LIN7A: variants seen among roughly 807,000 people sequenced by gnomAD.
The protein encoded by LIN7A is lin-7 cell polarity scaffold A.
LIN7A carries 25 observed loss-of-function variants against 29.8 expected under a neutral mutation model. That is an observed-to-expected ratio of 0.84 (90% CI 0.61 to 1.17). LIN7A has a LOEUF of 1.17. LIN7A is among the 50% of genes most tolerant of loss of function. The probability of loss-of-function intolerance (pLI) is 0.00; values close to 1 mark genes in which losing one functional copy is unlikely to be tolerated. For missense variants in LIN7A, 239 were observed against 287.0 expected, an observed-to-expected ratio of 0.83 and a Z score of 1.21; for synonymous variants, 118 against 107.5, an observed-to-expected ratio of 1.10 and a Z score of -0.60.
At chr12:80,868,738 GC>G (rs1176729579) in intron 2 of LIN7A, among the ~76,000 whole-genome samples, 1 of 152,146 alleles carries the variant, frequency 6.6e-6, no homozygotes. Context: ...CTGCCCAGTT[GC>G]CCAGCAGAGC....
At chr12:80,927,782 A>C (rs1877682985) in intron 1 of LIN7A, among the ~76,000 whole-genome samples, 1 of 152,162 alleles carries the variant, frequency 6.6e-6, no homozygotes, top group African/African-American at 2.4e-5. Flanking sequence ...ATAGGTATAC[A>C]TGTGCCACGT....
chr12:80,937,740 G>T lies in LIN7A; in HGVS notation c.-18C>A. The T allele has an allele frequency of 9.4e-7, 1 of 1,063,286 alleles. No homozygotes were observed. Among genetic ancestry groups the T allele is most frequent in the Non-Finnish European group, 1.2e-6 (1 of 807,300 alleles). 65.9% of individuals were successfully genotyped at this position (1,063,286 alleles called of 1,614,324 possible). On this transcript the variant is annotated 5_prime_UTR_variant, in exon 1 of 6. Coordinates refer to ENST00000552864, the MANE Select transcript of LIN7A (RefSeq NM_004664.4). ...TTCAGCATCAGCAACCGCTCGTAGT[G>T]AGAAAAAAAGGAGGAGATTGGGGGC...
chr12:80,834,143 A>T (rs182134816), intron 4 of LIN7A, among the ~76,000 whole-genome samples: 19 of 152,284 alleles, frequency 1.2e-4, no homozygotes, highest in Non-Finnish European at 2.4e-4. Context: ...CTCGATTTTT[A>T]AGTATGTAAG....
chr12:80,878,559 G>A (rs1416143937), intron 2 of LIN7A, among the ~76,000 whole-genome samples: 1 of 152,178 alleles, frequency 6.6e-6, no homozygotes, highest in Non-Finnish European at 1.5e-5. Flanking sequence ...GCAGCAGCAA[G>A]ATTTATTCTG....
intron 2 of LIN7A, among the ~76,000 whole-genome samples, chr12:80,880,276 A>T (rs892178660): frequency 9.9e-5 from 15 of 152,048 alleles, no homozygotes; most frequent in African/African-American, 3.4e-4. Flanking sequence ...TTTTGACCTA[A>T]CATCTACAAA....
chr12:80,833,587 A>G (rs1872474539), intron 4 of LIN7A, among the ~76,000 whole-genome samples: 1 of 152,136 alleles, frequency 6.6e-6, no homozygotes, highest in African/African-American at 2.4e-5. Context: ...TACCACTTTC[A>G]AATGTTAAGT....
At chr12:80,885,057 T>C (rs908763201) in intron 2 of LIN7A, among the ~76,000 whole-genome samples, 1 of 152,176 alleles carries the variant, frequency 6.6e-6, no homozygotes, top group Non-Finnish European at 1.5e-5. Context: ...ATTCTTTGTA[T>C]TGTTTGTATT....
At chr12:80,924,691 G>A (rs901297713) in intron 1 of LIN7A, among the ~76,000 whole-genome samples, 3 of 152,218 alleles carry the variant, frequency 2.0e-5, no homozygotes, top group East Asian at 1.9e-4. Flanking sequence ...GTGATGCATC[G>A]CAATTAAATA....
At position 80,937,702 on chromosome 12, in the gene LIN7A, A is replaced by G; in HGVS notation, c.21T>C (p.Thr7=). 2 of 1,375,766 alleles carry G rather than the reference A, an allele frequency of 1.5e-6. No individual in the cohort carries two copies. Among genetic ancestry groups the G allele is most frequent in the South Asian group, 1.2e-5 (1 of 81,248 alleles). 85.2% of individuals were successfully genotyped at this position (1,375,766 alleles called of 1,614,324 possible). A position where few individuals can be genotyped will look rare whatever the true frequency, so the allele number is the denominator to read the frequency against. The stretch of plus-strand genomic sequence containing the variant: ...TCGCCATGTCTGCCGTGGGAGCCGA[A>G]GTGACGCTCGGCTTCAGCATCAGCA... MLKPSV[T]SAPTADMATL... The change falls in exon 1 of 6, where the codon ACT becomes ACC. Residue 7 remains threonine, a synonymous_variant. Coordinates refer to ENST00000552864, the MANE Select transcript of LIN7A (RefSeq NM_004664.4).
At chr12:80,840,533 C>CTGTGTTT (rs376919739) in intron 4 of LIN7A, among the ~76,000 whole-genome samples, 4 of 152,036 alleles carry the variant, frequency 2.6e-5, no homozygotes, top group African/African-American at 9.7e-5. Flanking sequence ...TTTCATGAGA[C>CTGTGTTT]TGTGTTTCTG....
At chr12:80,881,828 T>C (rs969690004) in intron 2 of LIN7A, among the ~76,000 whole-genome samples, 5 of 152,190 alleles carry the variant, frequency 3.3e-5, no homozygotes, top group African/African-American at 1.2e-4. Flanking sequence ...TGGGTATTTC[T>C]AGTTATCCTT....
intron 1 of LIN7A, among the ~76,000 whole-genome samples, chr12:80,925,725 A>G (rs1371544564): frequency 6.6e-6 from 1 of 152,220 alleles, no homozygotes; most frequent in Non-Finnish European, 1.5e-5. Context: ...GTATGTTTTT[A>G]AATACAGAAA....
intron 5 of LIN7A, among the ~76,000 whole-genome samples, chr12:80,809,818 G>T (rs567225980): frequency 6.6e-4 from 101 of 152,228 alleles, no homozygotes; most frequent in African/African-American, 2.4e-3. Context: ...TTAGAAAAAG[G>T]CAGGAGAATC....
chr12:80,862,531 C>G (rs1263815901), intron 2 of LIN7A, among the ~76,000 whole-genome samples: 1 of 152,124 alleles, frequency 6.6e-6, no homozygotes, highest in Non-Finnish European at 1.5e-5. Context: ...TTATTTAATA[C>G]ATATTGTTGA....
intron 2 of LIN7A, among the ~76,000 whole-genome samples, chr12:80,870,545 GT>G (rs1355400883): frequency 6.6e-6 from 1 of 152,148 alleles, no homozygotes; most frequent in African/African-American, 2.4e-5. Context: ...CATCACTTCC[GT>G]TCTTCTTATA....
In LIN7A at chr12:80,810,393, CTGTGTGTGTGTGTGTG is replaced by C. The variant is rs71094992; in HGVS notation, c.*1056_*1071del. On this transcript the variant is annotated intron_variant, in intron 5 of 5. Coordinates refer to ENST00000552864, the MANE Select transcript of LIN7A (RefSeq NM_004664.4). ...AGGCTAAATATTAAATGGTATACAT[CTGTGTGTGTGTGTGTG>C]TGTGTGTGTGTGTGTGTGTGTGTGT... Among the ~76,000 whole-genome samples the C allele has an allele frequency of 3.4e-3, 493 of 147,018 alleles. 2 individuals carry two copies. The highest frequency in any genetic ancestry group is 0.011 in the African/African-American group (450 of 39,772).
intron 2 of LIN7A, among the ~76,000 whole-genome samples, chr12:80,861,841 A>G (rs3782165): frequency 0.23 from 34,986 of 152,016 alleles, 6,316 homozygotes; most frequent in African/African-American, 0.51. Flanking sequence ...TAGTTCCTGG[A>G]GCAGGCAGCT....
intron 1 of LIN7A, among the ~76,000 whole-genome samples, chr12:80,894,368 T>G (rs1249986355): frequency 6.6e-6 from 1 of 152,116 alleles, no homozygotes; most frequent in South Asian, 2.1e-4. Flanking sequence ...ACTCCTCCTA[T>G]TGTCTGCCAC....
At chr12:80,878,615 C>T (rs939044019) in intron 2 of LIN7A, among the ~76,000 whole-genome samples, 1 of 152,126 alleles carries the variant, frequency 6.6e-6, no homozygotes, top group African/African-American at 2.4e-5. Context: ...GAGATCTGAG[C>T]GGGTTGCTGC....
Sources: allele counts gnomAD v4.1 joint callset (sites outside exome capture counted in the v4.1 genomes callset), GRCh38; gene constraint gnomAD v4.1.1; transcripts MANE v1.5; gene names NCBI Gene and HGNC (gene_info 2026-07-23, HGNC 2026-07-21).